NALCN: variants seen among roughly 807,000 people sequenced by gnomAD.
NALCN encodes sodium leak channel NALCN.
NALCN carries 111 observed loss-of-function variants against 225.3 expected under a neutral mutation model. The ratio of observed to expected loss-of-function variants is 0.49; its 90% confidence interval spans 0.42 to 0.58. The LOEUF (loss-of-function observed/expected upper bound fraction) is 0.58, where lower values mean the gene tolerates loss of function less well. Among genes scored for constraint, NALCN ranks in the 20% least tolerant of loss-of-function variants. The pLI is 0.00. For synonymous variants in NALCN, 764 were observed against 769.0 expected (o/e 0.99, Z 0.11); for missense variants, 1,378 against 2,202.4 (o/e 0.63, Z 7.49).
intron 15 of NALCN, among the ~76,000 whole-genome samples, chr13:101,154,391 T>C (rs755507965): frequency 2.0e-5 from 3 of 152,228 alleles, no homozygotes; most frequent in Non-Finnish European, 2.9e-5. Flanking sequence ...GTTATTCCTC[T>C]TATATGGGAT....
intron 22 of NALCN, among the ~76,000 whole-genome samples, chr13:101,106,593 A>G (rs2035117160): frequency 6.6e-6 from 1 of 152,138 alleles, no homozygotes; most frequent in Admixed American, 6.5e-5. Flanking sequence ...ATGTTGTAGG[A>G]GGGACCCAGT....
rs760426208 is a variant in NALCN at position 101,087,935 on chromosome 13, C to T, written c.3489+1728G>A. Among the ~76,000 whole-genome samples, 40 of 152,162 alleles carry T rather than the reference C, an allele frequency of 2.6e-4. 1 individual carries two copies. The highest frequency in any genetic ancestry group is 4.6e-4 in the Admixed American group (7 of 15,276). ...GTGCCTAAACTCTCCTGTTAATTGA[C>T]TGATTAGCTTCTGCTTATATTCTAG... On this transcript the variant is annotated intron_variant, in intron 30 of 43. Coordinates refer to ENST00000251127, the MANE Select transcript of NALCN (RefSeq NM_052867.4).
intron 9 of NALCN, among the ~76,000 whole-genome samples, chr13:101,290,354 T>C (rs2043507784): frequency 6.6e-6 from 1 of 152,192 alleles, no homozygotes; most frequent in Admixed American, 6.5e-5. Context: ...AGATCATAGT[T>C]CCATATTCCA....
At chr13:101,164,754 C>G (rs998729764) in intron 15 of NALCN, among the ~76,000 whole-genome samples, 1 of 152,132 alleles carries the variant, frequency 6.6e-6, no homozygotes, top group Non-Finnish European at 1.5e-5. Context: ...TATAAAAAGT[C>G]TAACATTTAT....
intron 18 of NALCN, among the ~76,000 whole-genome samples, chr13:101,123,138 C>T (rs2036061686): frequency 6.6e-6 from 1 of 152,190 alleles, no homozygotes; most frequent in Admixed American, 6.5e-5. Flanking sequence ...GAAATCTCTT[C>T]CTTGCCAGTA....
intron 10 of NALCN, among the ~76,000 whole-genome samples, chr13:101,270,275 G>A (rs1341533591): frequency 2.0e-5 from 3 of 151,998 alleles, no homozygotes; most frequent in African/African-American, 7.3e-5. Context: ...GACTACAATA[G>A]GGCTGCTAGA....
At chr13:101,241,704 A>C (rs1438122580) in intron 11 of NALCN, among the ~76,000 whole-genome samples, 1 of 152,076 alleles carries the variant, frequency 6.6e-6, no homozygotes, top group Non-Finnish European at 1.5e-5. Context: ...CGGCCTCCCA[A>C]AGTGCTGGGA....
chr13:101,131,859 G>GC (rs1471213414), intron 17 of NALCN, among the ~76,000 whole-genome samples: 2 of 152,052 alleles, frequency 1.3e-5, no homozygotes, highest in African/African-American at 4.8e-5. Flanking sequence ...CAATGTCAAT[G>GC]CCTCTGTCAT....
intron 6 of NALCN, among the ~76,000 whole-genome samples, chr13:101,364,922 C>T (rs73566990): frequency 6.6e-6 from 1 of 151,926 alleles, no homozygotes; most frequent in Non-Finnish European, 1.5e-5. Context: ...CGTCATAGAC[C>T]GTTGCATGAA....
chr13:101,367,704 T>C (rs919827227), intron 6 of NALCN, among the ~76,000 whole-genome samples: 8 of 152,114 alleles, frequency 5.3e-5, no homozygotes, highest in African/African-American at 1.9e-4. Context: ...ATGTTGAAGG[T>C]TACATGTACA....
intron 13 of NALCN, among the ~76,000 whole-genome samples, chr13:101,209,370 G>A (rs114424383): frequency 6.6e-6 from 1 of 152,128 alleles, no homozygotes; most frequent in South Asian, 2.1e-4. Flanking sequence ...GTATAAACAT[G>A]TTTGTCTATC....
intron 6 of NALCN, among the ~76,000 whole-genome samples, chr13:101,364,101 C>T (rs923132062): frequency 6.6e-6 from 1 of 151,968 alleles, no homozygotes; most frequent in African/African-American, 2.4e-5. Context: ...TGTAGAGAAA[C>T]AGGAACACTC....
At chr13:101,132,280 T>C (rs1359806071) in intron 17 of NALCN, among the ~76,000 whole-genome samples, 1 of 147,976 alleles carries the variant, frequency 6.8e-6, no homozygotes, top group Non-Finnish European at 1.5e-5. Flanking sequence ...TAGTTTTAAA[T>C]TTCTGAATGT....
chr13:101,101,560 C>T (rs1252505312), intron 26 of NALCN, among the ~76,000 whole-genome samples: 1 of 152,006 alleles, frequency 6.6e-6, no homozygotes, highest in Non-Finnish European at 1.5e-5. Context: ...GGATTACAGG[C>T]GTGAGCCACT....
intron 10 of NALCN, among the ~76,000 whole-genome samples, chr13:101,271,099 A>T (rs2042762024): frequency 6.6e-6 from 1 of 152,196 alleles, no homozygotes; most frequent in African/African-American, 2.4e-5. Context: ...TGTGGCATGC[A>T]AATAATTTTA....
At chr13:101,299,657 A>C (rs1458589743) in intron 7 of NALCN, among the ~76,000 whole-genome samples, 1 of 152,186 alleles carries the variant, frequency 6.6e-6, no homozygotes, top group Non-Finnish European at 1.5e-5. Flanking sequence ...CCACCAGATT[A>C]AGAACAAAGT....
At chr13:101,352,274 G>A (rs900601373) in intron 6 of NALCN, among the ~76,000 whole-genome samples, 4 of 152,120 alleles carry the variant, frequency 2.6e-5, no homozygotes, top group Non-Finnish European at 4.4e-5. Context: ...AGTTCAAAGC[G>A]GAAACATCAA....
In NALCN at chr13:101,279,754, T is replaced by C. The variant is rs1455657355; in HGVS notation, c.1134+4179A>G. Among the ~76,000 whole-genome samples, 4 of 148,700 alleles carry C rather than the reference T, an allele frequency of 2.7e-5. No individual in the cohort carries two copies. The East Asian group carries it at 5.9e-4, about 22-fold the overall frequency. ...ATGGCGTGAACCCGGGAGGCGGAGC[T>C]TGCAGTGAGCCGAGATCCCGCCACT... On this transcript the variant is annotated intron_variant, in intron 10 of 43. Transcript: ENST00000251127.
At position 101,054,168 on chromosome 13, in the gene NALCN, T is replaced by G. The variant is rs2030913319; in HGVS notation, c.*1127A>C. ...GAAATCTAACAGCACTTTGTAATCA[T>G]TTTGCTTTTCTAATTTTCCCGGAGG... On this transcript the variant is annotated 3_prime_UTR_variant, in exon 44 of 44. Transcript: ENST00000251127. 1 of 152,154 alleles carries G rather than the reference T, an allele frequency of 6.6e-6. No individual in the cohort carries two copies. The highest frequency in any genetic ancestry group is 1.5e-5 in the Non-Finnish European group (1 of 68,030). 9.4% of individuals were successfully genotyped at this position (152,154 alleles called of 1,614,324 possible). A position where few individuals can be genotyped will look rare whatever the true frequency, so the allele number is the denominator to read the frequency against.
Sources: allele counts gnomAD v4.1 joint callset (sites outside exome capture counted in the v4.1 genomes callset), GRCh38; gene constraint gnomAD v4.1.1; transcripts MANE v1.5; gene names NCBI Gene and HGNC (gene_info 2026-07-23, HGNC 2026-07-21).